The following SLC22A16 variants were observed in gnomAD, a reference collection of about 807,000 sequenced individuals.
The protein encoded by SLC22A16 is WUGSC:RG331P03.1.
SLC22A16 carries 53 observed loss-of-function variants against 52.9 expected under a neutral mutation model. That is an observed-to-expected ratio of 1.00 (90% CI 0.80 to 1.26). The LOEUF (loss-of-function observed/expected upper bound fraction) is 1.26. Ranked by LOEUF, SLC22A16 falls within the 50% of genes most tolerant of loss-of-function variation. The pLI, the probability that SLC22A16 is intolerant of heterozygous loss-of-function variation, is 0.00. For missense variants in SLC22A16, 726 were observed against 704.0 expected, an observed-to-expected ratio of 1.03 and a Z score of -0.35; for synonymous variants, 291 against 268.8, an observed-to-expected ratio of 1.08 and a Z score of -0.81.
rs761610412 is a variant in SLC22A16, at chr6:110,456,372, A to G, written c.533+166T>C. ...TCTAGGTATACTGTCTTCAGAGCCT[A>G]TCCTTATCATTATACATCCCTAAAT... On this transcript the variant is annotated intron_variant, in intron 2 of 7. Transcript: ENST00000368919. 37 of 910,628 alleles carry G rather than the reference A, an allele frequency of 4.1e-5. 1 individual carries two copies. Among genetic ancestry groups the G allele is most frequent in the Non-Finnish European group, 6.0e-5 (36 of 598,820 alleles). 56.4% of individuals were successfully genotyped at this position (910,628 alleles called of 1,614,324 possible).
chr6:110,457,090 T>G, intron 1 of SLC22A16, 73 bp from the exon 2 acceptor site: 1 of 1,404,684 alleles, frequency 7.1e-7, no homozygotes, highest in Middle Eastern at 1.9e-4. Context: ...ATTTGAAGGG[T>G]CTCCATCATG....
intron 1 of SLC22A16, among the ~76,000 whole-genome samples, chr6:110,473,491 C>T (rs1252856318): frequency 1.5e-4 from 11 of 71,972 alleles, no homozygotes; most frequent in Admixed American, 4.1e-4. Context: ...CCTGTTTTCC[C>T]TTTTTTTTTT....
At chr6:110,456,221 A>G (rs1263007685) in intron 2 of SLC22A16, 2 of 284,458 alleles carry the variant, frequency 7.0e-6, no homozygotes, top group Non-Finnish European at 1.3e-5. Flanking sequence ...TAATTTTGCA[A>G]TAATCCTTTG....
At chr6:110,431,438 G>C (rs1461273135) in intron 6 of SLC22A16, among the ~76,000 whole-genome samples, 168 bp from the exon 7 acceptor site, 1 of 152,182 alleles carries the variant, frequency 6.6e-6, no homozygotes, top group Admixed American at 6.5e-5. Context: ...GATTATAATA[G>C]CACATTTTTA....
chr6:110,476,273 C>G (rs1219530266), intron 1 of SLC22A16: 3 of 1,234,656 alleles, frequency 2.4e-6, no homozygotes, highest in Non-Finnish European at 3.2e-6. Context: ...CCCTCCTGCC[C>G]GGCAACAGGC....
At position 110,424,790 on chromosome 6, in the gene SLC22A16, T is replaced by C. The variant is rs2114861091; in HGVS notation, c.*83A>G. On this transcript the variant is annotated 3_prime_UTR_variant, in exon 8 of 8. Transcript: ENST00000368919. ...ATTAAAAAGACATACAAACAACATA[T>C]GGGAGATGAGAATAAGATTCCTCTA... 1.4e-6 allele frequency: 2 copies of C among 1,465,264 alleles called. No individual in the cohort carries two copies. The highest frequency in any genetic ancestry group is 1.9e-6 in the Non-Finnish European group (2 of 1,061,568). The allele number at this position is 1,465,264 out of a possible 1,614,324, so 90.8% of individuals were successfully genotyped here.
At chr6:110,436,754 T>C (rs1774747497) in intron 5 of SLC22A16, among the ~76,000 whole-genome samples, 1 of 152,260 alleles carries the variant, frequency 6.6e-6, no homozygotes, top group African/African-American at 2.4e-5. Context: ...ACAGACTGTT[T>C]TGTTCATTTG....
chr6:110,468,883 C>T (rs945731353), intron 1 of SLC22A16, among the ~76,000 whole-genome samples: 4 of 152,150 alleles, frequency 2.6e-5, no homozygotes, highest in Admixed American at 6.5e-5. Context: ...CACTGGCTGC[C>T]GTGTCACCAC....
At chr6:110,454,329 CGA>C (rs1775500180) in intron 2 of SLC22A16, among the ~76,000 whole-genome samples, 1 of 151,488 alleles carries the variant, frequency 6.6e-6, no homozygotes, top group African/African-American at 2.4e-5. Context: ...CAAATTCCGC[CGA>C]GAGAATACAG....
At chr6:110,457,041 A>G (rs1163573426) in intron 1 of SLC22A16, 24 bp from the exon 2 acceptor site, 2 of 1,514,992 alleles carry the variant, frequency 1.3e-6, no homozygotes, top group Admixed American at 2.3e-5. Context: ...AAAGCTAATT[A>G]TTATATCTGG....
intron 4 of SLC22A16, among the ~76,000 whole-genome samples, chr6:110,441,491 G>C (rs1160665552): frequency 6.6e-6 from 1 of 152,320 alleles, no homozygotes; most frequent in East Asian, 1.9e-4. Context: ...TTACCAAGGG[G>C]GGCCATGGTC....
intron 2 of SLC22A16, 159 bp downstream of exon 2, chr6:110,456,379 T>C (rs1775653493): frequency 3.2e-6 from 3 of 932,750 alleles, no homozygotes; most frequent in Admixed American, 2.3e-5. Context: ...CCTATCCTTA[T>C]CATTATACAT....
intron 7 of SLC22A16, among the ~76,000 whole-genome samples, chr6:110,429,931 G>A (rs1197368901): frequency 6.6e-6 from 1 of 152,088 alleles, no homozygotes; most frequent in Admixed American, 6.5e-5. Context: ...GGAGGAGAAG[G>A]GAAGGCTTGC....
At chr6:110,476,482 G>T in intron 1 of SLC22A16, 40 bp downstream of exon 1, 4 of 1,452,504 alleles carry the variant, frequency 2.8e-6, no homozygotes, top group Non-Finnish European at 2.7e-6. Flanking sequence ...ACCCCTCGGC[G>T]CCGCCTCCCG....
At chr6:110,429,093 TG>T (rs1355024635) in intron 7 of SLC22A16, among the ~76,000 whole-genome samples, 1 of 152,238 alleles carries the variant, frequency 6.6e-6, no homozygotes, top group African/African-American at 2.4e-5. Flanking sequence ...TATATTTGCA[TG>T]TTTCAACTTA....
intron 7 of SLC22A16, among the ~76,000 whole-genome samples, chr6:110,428,053 C>T (rs1331363481): frequency 2.0e-5 from 3 of 150,874 alleles, no homozygotes; most frequent in Non-Finnish European, 4.4e-5. Context: ...AAGCTAATTA[C>T]GTGTCCACCT....
intron 1 of SLC22A16, 193 bp downstream of exon 1, chr6:110,476,329 G>C (rs1481117893): frequency 5.1e-6 from 7 of 1,375,696 alleles, no homozygotes; most frequent in Non-Finnish European, 6.6e-6. Context: ...GCCAGGTCCC[G>C]CTGCCAGAGG....
intron 1 of SLC22A16, among the ~76,000 whole-genome samples, chr6:110,474,580 T>C (rs1339922002): frequency 6.6e-6 from 1 of 152,236 alleles, no homozygotes; most frequent in African/African-American, 2.4e-5. Flanking sequence ...CCATGACTTA[T>C]TGAGAACTTA....
intron 4 of SLC22A16, among the ~76,000 whole-genome samples, chr6:110,441,005 C>T (rs1166273528): frequency 2.6e-5 from 4 of 152,090 alleles, no homozygotes; most frequent in Non-Finnish European, 4.4e-5. Flanking sequence ...TATGGTGAAG[C>T]TTGGGTGGAA....
Sources: allele counts gnomAD v4.1 joint callset (sites outside exome capture counted in the v4.1 genomes callset), GRCh38; gene constraint gnomAD v4.1.1; transcripts MANE v1.5; gene names NCBI Gene and HGNC (gene_info 2026-07-23, HGNC 2026-07-21).